WDFY2: variants seen among roughly 807,000 people sequenced by gnomAD.
The protein encoded by WDFY2 is WD repeat and FYVE domain containing 2, also known as WD repeat and FYVE domain-containing protein 2.
A neutral mutation model predicts 56.4 loss-of-function variants in WDFY2; 36 were observed. That is an observed-to-expected ratio of 0.64 (90% CI 0.49 to 0.84). The LOEUF is 0.84. Ranked by LOEUF, WDFY2 falls within the 40% of genes least tolerant of loss-of-function variation. The pLI is 0.00. For synonymous variants in WDFY2, 176 were observed against 183.7 expected (o/e 0.96, Z 0.34); for missense variants, 444 against 512.2 (o/e 0.87, Z 1.29).
At chr13:51,722,805 T>C (rs527917873) in intron 5 of WDFY2, among the ~76,000 whole-genome samples, 29 of 152,334 alleles carry the variant, frequency 1.9e-4, no homozygotes, top group Admixed American at 5.2e-4. Context: ...GGCAGGTAGA[T>C]GATAGTAAAT....
chr13:51,761,181 T>C lies in WDFY2; in HGVS notation c.*1412T>C, dbSNP rs1250423438. On this transcript the variant is annotated 3_prime_UTR_variant, in exon 12 of 12. Coordinates refer to ENST00000298125, the MANE Select transcript of WDFY2 (RefSeq NM_052950.4). ...ATGTGGGTGGTCCGAGACAGAATGG[T>C]ACCTACAGTGCAGGCTATGTTTCTG... 1 of 152,204 alleles carries C rather than the reference T, an allele frequency of 6.6e-6. No individual in the cohort carries two copies. The highest frequency in any genetic ancestry group is 1.5e-5 in the Non-Finnish European group (1 of 68,032). 9.4% of individuals were successfully genotyped at this position (152,204 alleles called of 1,614,324 possible).
chr13:51,695,115 C>T (rs1395609960), intron 3 of WDFY2, among the ~76,000 whole-genome samples: 1 of 152,104 alleles, frequency 6.6e-6, no homozygotes, highest in African/African-American at 2.4e-5. Context: ...AACTTCTTTG[C>T]CTTTGGCTTG....
intron 2 of WDFY2, among the ~76,000 whole-genome samples, chr13:51,666,038 A>T (rs1955694801): frequency 6.6e-6 from 1 of 152,202 alleles, no homozygotes; most frequent in Non-Finnish European, 1.5e-5. Flanking sequence ...TCACACAAGT[A>T]TGGATACCTA....
intron 4 of WDFY2, among the ~76,000 whole-genome samples, chr13:51,706,824 TA>T (rs1033474964): frequency 1.3e-5 from 2 of 152,096 alleles, no homozygotes; most frequent in African/African-American, 4.8e-5. Flanking sequence ...TTTTAAATTG[TA>T]AAACTAACAA....
chr13:51,715,207 A>C (rs1207445911), intron 4 of WDFY2, among the ~76,000 whole-genome samples: 1 of 152,184 alleles, frequency 6.6e-6, no homozygotes, highest in African/African-American at 2.4e-5. Flanking sequence ...TTTTTTCAAT[A>C]ATAAACCTAG....
chr13:51,658,861 C>G (rs1424562319), intron 1 of WDFY2, among the ~76,000 whole-genome samples: 1 of 151,896 alleles, frequency 6.6e-6, no homozygotes, highest in Non-Finnish European at 1.5e-5. Context: ...CTTAAATGTT[C>G]TTTCTTTATT....
chr13:51,664,719 T>A (rs1340484136), intron 2 of WDFY2, among the ~76,000 whole-genome samples: 1 of 152,206 alleles, frequency 6.6e-6, no homozygotes, highest in Non-Finnish European at 1.5e-5. Context: ...ATTGTACACC[T>A]CCTAATTCCT....
At chr13:51,615,048 AT>A (rs1016690915) in intron 1 of WDFY2, among the ~76,000 whole-genome samples, 5 of 152,214 alleles carry the variant, frequency 3.3e-5, no homozygotes, top group Admixed American at 3.3e-4. Context: ...CTCTCAATTG[AT>A]TTATTAAGCT....
At chr13:51,721,308 G>T (rs1484594340) in intron 5 of WDFY2, among the ~76,000 whole-genome samples, 1 of 151,926 alleles carries the variant, frequency 6.6e-6, no homozygotes, top group Non-Finnish European at 1.5e-5. Flanking sequence ...CTTCAAGAAG[G>T]AACTAATGGC....
intron 8 of WDFY2, among the ~76,000 whole-genome samples, chr13:51,753,531 G>A (rs1362955205): frequency 6.6e-6 from 1 of 152,172 alleles, no homozygotes; most frequent in Non-Finnish European, 1.5e-5. Context: ...CCACCATCCA[G>A]AAATATCACT....
At chr13:51,633,394 G>A (rs1240939912) in intron 1 of WDFY2, among the ~76,000 whole-genome samples, 2 of 152,212 alleles carry the variant, frequency 1.3e-5, no homozygotes, top group African/African-American at 4.8e-5. Context: ...TGGTCATCTT[G>A]TTCAACTTCT....
intron 4 of WDFY2, among the ~76,000 whole-genome samples, chr13:51,709,893 C>G (rs746281157): frequency 9.2e-5 from 14 of 152,114 alleles, no homozygotes; most frequent in Non-Finnish European, 1.5e-4. Context: ...TGAAACTATT[C>G]CAATCAATAG....
chr13:51,664,602 T>C (rs929873640), intron 2 of WDFY2, among the ~76,000 whole-genome samples: 2 of 152,216 alleles, frequency 1.3e-5, no homozygotes, highest in African/African-American at 4.8e-5. Flanking sequence ...GCCTTTGAGC[T>C]CAAAAGATAC....
At chr13:51,714,813 T>C (rs1329601194) in intron 4 of WDFY2, among the ~76,000 whole-genome samples, 1 of 152,136 alleles carries the variant, frequency 6.6e-6, no homozygotes, top group African/African-American at 2.4e-5. Context: ...CAGTGTTGTG[T>C]GAATGTGAGA....
intron 5 of WDFY2, among the ~76,000 whole-genome samples, chr13:51,722,504 A>G (rs1952513257): frequency 2.6e-5 from 4 of 152,338 alleles, no homozygotes; most frequent in African/African-American, 9.6e-5. Context: ...AGAAAAGGAA[A>G]AGGGAAAAGA....
At chr13:51,754,754 A>G (rs1342541841) in intron 8 of WDFY2, among the ~76,000 whole-genome samples, 1 of 152,162 alleles carries the variant, frequency 6.6e-6, no homozygotes, top group Non-Finnish European at 1.5e-5. Flanking sequence ...TGTTTGTTAC[A>G]AACTTTATAA....
intron 6 of WDFY2, among the ~76,000 whole-genome samples, chr13:51,731,490 C>A (rs572218186): frequency 5.3e-4 from 80 of 152,286 alleles, no homozygotes; most frequent in African/African-American, 1.9e-3. Flanking sequence ...CTAGGAAGGT[C>A]ACTAACTAAC....
intron 4 of WDFY2, among the ~76,000 whole-genome samples, chr13:51,715,985 G>A (rs1952337303): frequency 6.6e-6 from 1 of 152,090 alleles, no homozygotes. Context: ...TAACCTCAAT[G>A]TCCATCAGTG....
chr13:51,754,837 A>G (rs1953328219), intron 8 of WDFY2, among the ~76,000 whole-genome samples: 1 of 152,198 alleles, frequency 6.6e-6, no homozygotes, highest in Admixed American at 6.5e-5. Context: ...GTGTTAGTTT[A>G]TTATATATTG....
Sources: gnomAD v4.1 joint callset for allele counts (sites outside exome capture counted in the v4.1 genomes callset) on GRCh38, gnomAD v4.1.1 for gene constraint, MANE v1.5 for transcripts, NCBI Gene and HGNC (gene_info 2026-07-23, HGNC 2026-07-21) for gene names.